The following CCDC102B variants were observed in gnomAD, a reference collection of about 807,000 sequenced individuals.
CCDC102B encodes the protein coiled-coil domain-containing protein 102B.
In CCDC102B, 75 loss-of-function variants were observed where a neutral mutation model predicts 57.4. The observed-to-expected ratio is 1.31, with a 90% CI of 1.08 to 1.58. The LOEUF (loss-of-function observed/expected upper bound fraction) is 1.58. Ranked by LOEUF, CCDC102B falls within the 40% of genes most tolerant of loss-of-function variation. CCDC102B has a pLI of 0.00. For synonymous variants in CCDC102B, 206 were observed against 201.9 expected (o/e 1.02, Z -0.17); for missense variants, 636 against 582.6 (o/e 1.09, Z -0.94).
At chr18:68,988,507 A>C (rs553546161) in intron 6 of CCDC102B, among the ~76,000 whole-genome samples, 15 of 152,116 alleles carry the variant, frequency 9.9e-5, no homozygotes, top group African/African-American at 3.6e-4. Flanking sequence ...ATTTCCATGT[A>C]ATAAACCCAC....
At position 69,011,165 on chromosome 18, in the gene CCDC102B, T is replaced by C. The variant is rs140873549; in HGVS notation, c.1434+61T>C. On this transcript the variant is annotated intron_variant, in intron 7 of 7. Transcript: ENST00000360242. ...TCTAAATAGTATTTTAGAGCATATC[T>C]AAAGATTGTCTCCCTTATTAACATA... The C allele has an allele frequency of 3.1e-3, 4,420 of 1,413,176 alleles. 64 individuals are homozygous for C. The highest frequency in any genetic ancestry group is 0.026 in the South Asian group (1,713 of 65,444). 87.5% of individuals were successfully genotyped at this position (1,413,176 alleles called of 1,614,324 possible).
intron 4 of CCDC102B, among the ~76,000 whole-genome samples, chr18:68,862,771 C>G (rs969769714): frequency 1.3e-5 from 2 of 151,986 alleles, no homozygotes; most frequent in East Asian, 1.9e-4. Context: ...AGAGAGTGGG[C>G]ATAGAGTTTA....
intron 4 of CCDC102B, among the ~76,000 whole-genome samples, chr18:68,851,913 A>T (rs2038145084): frequency 6.6e-6 from 1 of 152,112 alleles, no homozygotes; most frequent in Non-Finnish European, 1.5e-5. Flanking sequence ...AGATGATGGG[A>T]TAGTTTCCAG....
rs141943761 is a variant in CCDC102B at position 68,773,449 on chromosome 18, A to C, written c.-66-49917A>C. 7.4e-3 allele frequency among the ~76,000 whole-genome samples: 1,123 copies of C among 152,176 alleles called. 15 individuals are homozygous for C. Among genetic ancestry groups the C allele is most frequent in the African/African-American group, 0.026 (1,075 of 41,582 alleles). The stretch of plus-strand genomic sequence containing the variant: ...TACTCTTCTCTGACTTATTTTTTCC[A>C]TAACACAGTTTTATTTACTGTACGT... On this transcript the variant is annotated intron_variant, in intron 2 of 3. Transcript: ENST00000578970.
At chr18:69,010,741 G>A (rs2051492016) in intron 6 of CCDC102B, among the ~76,000 whole-genome samples, 193 bp from the exon 7 acceptor site, 1 of 152,126 alleles carries the variant, frequency 6.6e-6, no homozygotes, top group African/African-American at 2.4e-5. Flanking sequence ...TTGTATTTTA[G>A]TCACATATCT....
intron 2 of CCDC102B, among the ~76,000 whole-genome samples, chr18:68,771,871 C>CACACACACACACACACACACAA: frequency 7.0e-6 from 1 of 143,626 alleles, no homozygotes; most frequent in Middle Eastern, 3.5e-3. Flanking sequence ...CTCTGAAATA[C>CACACACACACACACACACACAA]ACACACACAC....
chr18:69,025,227 T>A, intron 7 of CCDC102B, among the ~76,000 whole-genome samples: 1 of 152,278 alleles, frequency 6.6e-6, no homozygotes, highest in African/African-American at 2.4e-5. Flanking sequence ...GTACACTAAT[T>A]TATTTTCTTT....
chr18:68,741,659 A>G (rs2033385919), intron 2 of CCDC102B, among the ~76,000 whole-genome samples: 1 of 140,790 alleles, frequency 7.1e-6, no homozygotes, highest in East Asian at 2.1e-4. Context: ...TCCAAATGTG[A>G]AGACTGGTCA....
intron 2 of CCDC102B, among the ~76,000 whole-genome samples, chr18:68,762,382 T>A (rs1183386506): frequency 6.6e-6 from 1 of 152,154 alleles, no homozygotes; most frequent in Non-Finnish European, 1.5e-5. Flanking sequence ...AAATCTGTTT[T>A]TTGTTGTTGT....
chr18:68,739,185 G>A (rs190555025), intron 2 of CCDC102B, among the ~76,000 whole-genome samples: 5 of 152,098 alleles, frequency 3.3e-5, no homozygotes, highest in East Asian at 3.9e-4. Flanking sequence ...TAGTAGAGAC[G>A]GGTTTTCGCT....
intron 6 of CCDC102B, among the ~76,000 whole-genome samples, chr18:68,969,906 C>A (rs891978525): frequency 1.3e-5 from 2 of 151,740 alleles, no homozygotes; most frequent in African/African-American, 4.8e-5. Context: ...CTTAGTTGCC[C>A]AAAAGTAAAA....
intron 2 of CCDC102B, among the ~76,000 whole-genome samples, chr18:68,788,150 T>A (rs2035282732): frequency 6.6e-6 from 1 of 152,166 alleles, no homozygotes; most frequent in Non-Finnish European, 1.5e-5. Flanking sequence ...TGAGTGAGAT[T>A]CTTAATCCTG....
At chr18:68,923,282 C>T (rs1177743024) in intron 6 of CCDC102B, among the ~76,000 whole-genome samples, 1 of 150,850 alleles carries the variant, frequency 6.6e-6, no homozygotes, top group African/African-American at 2.4e-5. Context: ...AGTGTGTATA[C>T]AAAAAATGTA....
At chr18:68,898,157 C>T (rs530465975) in intron 6 of CCDC102B, among the ~76,000 whole-genome samples, 12 of 151,836 alleles carry the variant, frequency 7.9e-5, no homozygotes, top group Middle Eastern at 3.4e-3. Context: ...TTATATTTAC[C>T]TTGTTTCTAT....
At chr18:68,777,553 C>T (rs1188632765) in intron 2 of CCDC102B, among the ~76,000 whole-genome samples, 3 of 152,136 alleles carry the variant, frequency 2.0e-5, no homozygotes, top group African/African-American at 7.2e-5. Context: ...TGTTATTTCT[C>T]CTTTTATTCT....
chr18:68,850,460 G>T (rs1233225224), intron 4 of CCDC102B, among the ~76,000 whole-genome samples: 2 of 151,972 alleles, frequency 1.3e-5, no homozygotes, highest in African/African-American at 4.8e-5. Context: ...ATTTCCCAAA[G>T]AAATTGGGAG....
At chr18:68,879,572 T>C (rs1265376889) in intron 5 of CCDC102B, among the ~76,000 whole-genome samples, 5 of 151,984 alleles carry the variant, frequency 3.3e-5, no homozygotes, top group African/African-American at 1.2e-4. Flanking sequence ...ACACAAAGGT[T>C]CTGCAAGGCC....
At chr18:68,852,803 T>G (rs921781260) in intron 4 of CCDC102B, among the ~76,000 whole-genome samples, 15 of 152,188 alleles carry the variant, frequency 9.9e-5, no homozygotes, top group Admixed American at 5.2e-4. Context: ...TTTTTAATTT[T>G]GTTTTTGAAC....
Position 68,909,879 on chromosome 18 carries a change from T to A in CCDC102B, c.1263+12451T>A, listed in dbSNP as rs188545788. Among the ~76,000 whole-genome samples, 117 of 152,310 alleles carry A rather than the reference T, an allele frequency of 7.7e-4. 1 individual carries two copies. The Middle Eastern group carries it at 0.017, about 22-fold the overall frequency. On this transcript the variant is annotated intron_variant, in intron 6 of 7. Transcript: ENST00000360242. Reference sequence around the variant, plus strand: ...CCTCTGCTGCTTCATATTTGGAATGTAATTTTTGTTTGTATTTTATTCTAA... The same window carrying A: ...CCTCTGCTGCTTCATATTTGGAATGAAATTTTTGTTTGTATTTTATTCTAA...
Sources: allele counts gnomAD v4.1 joint callset (sites outside exome capture counted in the v4.1 genomes callset), GRCh38; gene constraint gnomAD v4.1.1; transcripts MANE v1.5; gene names NCBI Gene and HGNC (gene_info 2026-07-23, HGNC 2026-07-21).